The following LRRTM4 variants were observed in gnomAD, a reference collection of about 807,000 sequenced individuals.
LRRTM4 encodes the protein leucine rich repeat transmembrane neuronal 4.
A neutral mutation model predicts 47.6 loss-of-function variants in LRRTM4; 25 were observed. The observed-to-expected ratio is 0.53, with a 90% CI of 0.38 to 0.73. The LOEUF (loss-of-function observed/expected upper bound fraction) is 0.73, where lower values mean the gene tolerates loss of function less well. Among genes scored for constraint, LRRTM4 ranks in the 30% least tolerant of loss-of-function variants. The pLI is 0.00. For missense variants in LRRTM4, 638 were observed against 713.4 expected (o/e 0.89, Z 1.20); for synonymous variants, 311 against 269.5 (o/e 1.15, Z -1.51).
chr2:77,079,791 T>C (rs942039201), intron 3 of LRRTM4, among the ~76,000 whole-genome samples: 4 of 152,178 alleles, frequency 2.6e-5, no homozygotes, highest in African/African-American at 7.2e-5. Flanking sequence ...TATTAAATAA[T>C]AGAATGATGG....
chr2:76,917,015 G>C (rs915254311), intron 3 of LRRTM4, among the ~76,000 whole-genome samples: 2 of 152,166 alleles, frequency 1.3e-5, no homozygotes, highest in African/African-American at 4.8e-5. Flanking sequence ...TTTCGGGGAG[G>C]ATGTGCCATT....
At chr2:76,934,303 T>A (rs566661920) in intron 3 of LRRTM4, among the ~76,000 whole-genome samples, 2 of 152,286 alleles carry the variant, frequency 1.3e-5, no homozygotes, top group African/African-American at 4.8e-5. Context: ...AAAAGGCAAT[T>A]GTTTAGTGAC....
intron 3 of LRRTM4, among the ~76,000 whole-genome samples, chr2:76,891,244 A>G (rs866065371): frequency 6.8e-6 from 1 of 147,942 alleles, no homozygotes; most frequent in Non-Finnish European, 1.5e-5. Context: ...GTTAATTATA[A>G]TAAGAGGAGA....
intron 3 of LRRTM4, among the ~76,000 whole-genome samples, chr2:77,131,955 G>C (rs1333349306): frequency 6.6e-6 from 1 of 152,176 alleles, no homozygotes; most frequent in African/African-American, 2.4e-5. Context: ...GATAAAGTCA[G>C]AGTATTTAGG....
At chr2:76,778,599 T>A (rs898057557) in intron 3 of LRRTM4, among the ~76,000 whole-genome samples, 6 of 152,138 alleles carry the variant, frequency 3.9e-5, no homozygotes, top group Non-Finnish European at 7.3e-5. Flanking sequence ...GTGGGATCGG[T>A]GGTGATATCC....
chr2:77,515,716 C>T (rs1009542211), intron 3 of LRRTM4, among the ~76,000 whole-genome samples: 3 of 151,804 alleles, frequency 2.0e-5, no homozygotes, highest in Non-Finnish European at 4.4e-5. Flanking sequence ...ACTCAGCATA[C>T]TTATACTATT....
intron 3 of LRRTM4, among the ~76,000 whole-genome samples, chr2:77,032,739 A>G (rs1192760331): frequency 6.6e-6 from 1 of 152,086 alleles, no homozygotes; most frequent in Non-Finnish European, 1.5e-5. Context: ...TTTAAGACTT[A>G]CCGATTTAAT....
chr2:76,859,412 T>C (rs1672247778), intron 3 of LRRTM4, among the ~76,000 whole-genome samples: 1 of 152,258 alleles, frequency 6.6e-6, no homozygotes, highest in South Asian at 2.1e-4. Context: ...TATTATATAT[T>C]CAATAAATGA....
At chr2:76,831,362 T>C (rs1404121194) in intron 3 of LRRTM4, among the ~76,000 whole-genome samples, 1 of 152,162 alleles carries the variant, frequency 6.6e-6, no homozygotes, top group African/African-American at 2.4e-5. Flanking sequence ...CATTTGTGTT[T>C]TGAAAATAAC....
rs1277759868 is a variant in LRRTM4, at chr2:77,518,879, T to G, written c.990A>C (p.Lys330Asn). 6.2e-7 allele frequency: 1 copy of G among 1,604,500 alleles called. No individual in the cohort carries two copies. The highest frequency in any genetic ancestry group is 2.2e-5 in the East Asian group (1 of 44,622). The change falls in exon 3 of 4, where the codon AAA becomes AAC. Residue 330 changes from lysine (K) to asparagine (N), a missense_variant. By Grantham distance (94) the Lys-to-Asn change is moderately conservative. Transcript: ENST00000409884. ...CPLFYWLKNF[K>N]GNKESTMICA... ...ATATCATGGTGCTTTCCTTATTTCCTTTGAAATTCTTAAGCCAATAAAATA... is the reference window on the plus strand; with the variant it reads ...ATATCATGGTGCTTTCCTTATTTCCGTTGAAATTCTTAAGCCAATAAAATA...
intron 3 of LRRTM4, among the ~76,000 whole-genome samples, chr2:77,166,436 A>C (rs918657560): frequency 1.3e-5 from 2 of 152,178 alleles, no homozygotes; most frequent in Admixed American, 1.3e-4. Context: ...GACTTTCTTC[A>C]CAGAGTTGGA....
At chr2:77,032,165 C>T (rs777502069) in intron 3 of LRRTM4, among the ~76,000 whole-genome samples, 5 of 152,106 alleles carry the variant, frequency 3.3e-5, no homozygotes, top group Non-Finnish European at 7.4e-5. Context: ...CTTTCACATA[C>T]AGGAAGCACA....
intron 3 of LRRTM4, among the ~76,000 whole-genome samples, chr2:77,044,168 C>T (rs1679132437): frequency 6.6e-6 from 1 of 151,540 alleles, no homozygotes; most frequent in Non-Finnish European, 1.5e-5. Flanking sequence ...CATAGTGCAC[C>T]CAATGCAGCA....
At chr2:76,794,732 A>G (rs1259858481) in intron 3 of LRRTM4, among the ~76,000 whole-genome samples, 5 of 152,074 alleles carry the variant, frequency 3.3e-5, no homozygotes, top group East Asian at 3.9e-4. Flanking sequence ...ATTCTTTGCT[A>G]TGGTGTACTG....
At chr2:76,839,995 C>T (rs1423133780) in intron 3 of LRRTM4, among the ~76,000 whole-genome samples, 1 of 152,054 alleles carries the variant, frequency 6.6e-6, no homozygotes, top group Non-Finnish European at 1.5e-5. Flanking sequence ...GCCCTGAAGA[C>T]ACAATGATGA....
intron 3 of LRRTM4, among the ~76,000 whole-genome samples, chr2:76,856,547 TC>T (rs1197537944): frequency 6.6e-6 from 1 of 152,106 alleles, no homozygotes; most frequent in Admixed American, 6.6e-5. Flanking sequence ...AAGAATTTAA[TC>T]CTGCTTTGTG....
rs576201245 is a variant in LRRTM4, at chr2:77,383,283, T to C, written c.1551+135035A>G. On this transcript the variant is annotated intron_variant, in intron 3 of 3. Coordinates refer to ENST00000409884, the MANE Select transcript of LRRTM4 (RefSeq NM_001134745.3). ...TAAAATTTTCTTGACCTCTGCTCTG[T>C]TTCATTTTAAATCATTCTGTTTTCT... is the stretch of plus-strand genomic sequence containing the variant. 2.6e-5 allele frequency among the ~76,000 whole-genome samples: 4 copies of C among 152,198 alleles called. No individual in the cohort carries two copies. The East Asian group carries it at 5.8e-4, about 22-fold the overall frequency.
Position 77,249,808 on chromosome 2 carries a change from C to T in LRRTM4, c.1551+268510G>A, listed in dbSNP as rs573451386. Reference sequence around the variant, plus strand: ...TTTACCATATGACCTAGCTAGCAGTCATGCTCTTTTGTATTCATCCAAGGG... The same window carrying T: ...TTTACCATATGACCTAGCTAGCAGTTATGCTCTTTTGTATTCATCCAAGGG... On this transcript the variant is annotated intron_variant, in intron 3 of 3. Coordinates refer to ENST00000409884, the MANE Select transcript of LRRTM4 (RefSeq NM_001134745.3). Among the ~76,000 whole-genome samples, 4 of 152,334 alleles carry T rather than the reference C, an allele frequency of 2.6e-5. No individual in the cohort carries two copies. The South Asian group carries it at 6.2e-4, about 24-fold the overall frequency.
chr2:76,795,241 C>G (rs938388179), intron 3 of LRRTM4, among the ~76,000 whole-genome samples: 1 of 152,026 alleles, frequency 6.6e-6, no homozygotes, highest in Non-Finnish European at 1.5e-5. Context: ...GTGTTTTGTA[C>G]TTTAAAAATC....
Sources: allele counts gnomAD v4.1 joint callset (sites outside exome capture counted in the v4.1 genomes callset), GRCh38; gene constraint gnomAD v4.1.1; transcripts MANE v1.5; gene names NCBI Gene and HGNC (gene_info 2026-07-23, HGNC 2026-07-21).